The following PLXNA2 variants were observed in gnomAD, a reference collection of about 807,000 sequenced individuals.
PLXNA2 encodes plexin-A2.
Under a neutral mutation model 193.5 loss-of-function variants are expected in PLXNA2, and 91 were observed. The ratio of observed to expected loss-of-function variants is 0.47; its 90% confidence interval spans 0.40 to 0.56. The LOEUF (loss-of-function observed/expected upper bound fraction) is 0.56, where lower values mean the gene tolerates loss of function less well. Among genes scored for constraint, PLXNA2 ranks in the 20% least tolerant of loss-of-function variants. The probability of loss-of-function intolerance (pLI) is 0.00; values close to 1 mark genes in which losing one functional copy is unlikely to be tolerated. For missense variants in PLXNA2, 1,995 were observed against 2,503.2 expected (o/e 0.80, Z 4.33); for synonymous variants, 997 against 1,027.3 (o/e 0.97, Z 0.56).
intron 21 of PLXNA2, 106 bp downstream of exon 21, chr1:208,042,955 C>CT (rs1478080332): frequency 5.0e-5 from 59 of 1,181,222 alleles, no homozygotes; most frequent in Non-Finnish European, 6.8e-5. Context: ...ACTGACCCCT[C>CT]TTCCCTGCTA....
chr1:208,177,813 C>T (rs1035457900), intron 3 of PLXNA2, among the ~76,000 whole-genome samples: 2 of 152,250 alleles, frequency 1.3e-5, no homozygotes, highest in Admixed American at 6.5e-5. Flanking sequence ...CAGCCCAGTG[C>T]TAATGAATCA....
Position 208,199,416 on chromosome 1 carries a change from G to A in PLXNA2, c.1371+10864C>T, listed in dbSNP as rs369059959. Among the ~76,000 whole-genome samples the A allele has an allele frequency of 7.2e-5, 11 of 152,346 alleles. No homozygotes were observed. The East Asian group carries it at 2.1e-3, about 29-fold the overall frequency. On this transcript the variant is annotated intron_variant, in intron 3 of 31. Transcript: ENST00000367033. ...TGCAGAAAGAATGTTCTTTAGGCCG[G>A]GCGCAGTGGCTCACGCCTGTAATCC...
chr1:208,052,543 G>A, intron 14 of PLXNA2, 80 bp from the exon 15 acceptor site: 1 of 1,427,302 alleles, frequency 7.0e-7, no homozygotes, highest in South Asian at 1.2e-5. Flanking sequence ...AAGGATGGGA[G>A]AGATTGTTTT....
intron 29 of PLXNA2, chr1:208,030,256 G>A (rs1269752238): frequency 1.0e-6 from 1 of 985,352 alleles, no homozygotes; most frequent in African/African-American, 1.7e-5. Flanking sequence ...CTGGACATTT[G>A]CTATTGAGGT....
At chr1:208,191,391 T>C (rs148803164) in intron 3 of PLXNA2, among the ~76,000 whole-genome samples, 2 of 152,228 alleles carry the variant, frequency 1.3e-5, no homozygotes, top group African/African-American at 2.4e-5. Context: ...GCTGTTACTA[T>C]AGATAGAGAG....
intron 3 of PLXNA2, among the ~76,000 whole-genome samples, chr1:208,152,373 A>G: frequency 6.6e-6 from 1 of 152,182 alleles, no homozygotes; most frequent in Non-Finnish European, 1.5e-5. Flanking sequence ...TCCCATTGCT[A>G]GTGCGCTGGG....
intron 12 of PLXNA2, among the ~76,000 whole-genome samples, chr1:208,070,831 G>A (rs949938469): frequency 6.6e-6 from 1 of 152,248 alleles, no homozygotes; most frequent in African/African-American, 2.4e-5. Flanking sequence ...TGTAAGCTAA[G>A]CATTCAGTGA....
intron 3 of PLXNA2, among the ~76,000 whole-genome samples, chr1:208,186,705 G>GTTTTTTTTTT (rs1267154450): frequency 1.1e-5 from 1 of 88,500 alleles, no homozygotes; most frequent in African/African-American, 4.7e-5. Flanking sequence ...GAATTGCAAT[G>GTTTTTTTTTT]TTATTTTATT....
intron 4 of PLXNA2, among the ~76,000 whole-genome samples, chr1:208,135,275 C>T (rs757843308): frequency 1.3e-5 from 2 of 152,186 alleles, no homozygotes; most frequent in Non-Finnish European, 2.9e-5. Context: ...TGCCCCAACT[C>T]TTTTAAATTA....
intron 12 of PLXNA2, among the ~76,000 whole-genome samples, chr1:208,066,488 C>G (rs1351685231): frequency 6.6e-6 from 1 of 152,172 alleles, no homozygotes; most frequent in East Asian, 1.9e-4. Flanking sequence ...CATAATGGAG[C>G]TGAAAAATTC....
rs151002920 is a variant in PLXNA2 at position 208,199,469 on chromosome 1, G to A, written c.1371+10811C>T. ...GCACTTTGGGGGGCCAAGGTGGGTG[G>A]ATCACAAGGTCAGGAGATCGAGACC... On this transcript the variant is annotated intron_variant, in intron 3 of 31. Coordinates refer to ENST00000367033, the MANE Select transcript of PLXNA2 (RefSeq NM_025179.4). Among the ~76,000 whole-genome samples the A allele has an allele frequency of 7.7e-3, 1,177 of 152,286 alleles. 4 individuals carry two copies. Among genetic ancestry groups the A allele is most frequent in the Non-Finnish European group, 0.012 (833 of 68,026 alleles).
At chr1:208,042,395 C>T (rs542733930) in intron 21 of PLXNA2, 29 bp from the exon 22 acceptor site, 2 of 1,603,188 alleles carry the variant, frequency 1.2e-6, no homozygotes, top group African/African-American at 1.3e-5. Flanking sequence ...GAGGCGACGC[C>T]CTCAGAGGAC....
intron 3 of PLXNA2, among the ~76,000 whole-genome samples, chr1:208,205,037 C>T (rs188770735): frequency 2.0e-5 from 3 of 152,094 alleles, no homozygotes; most frequent in East Asian, 1.9e-4. Flanking sequence ...TGGGTTGAGG[C>T]GGCAGTTTAG....
At chr1:208,103,479 G>T (rs1037181499) in intron 4 of PLXNA2, among the ~76,000 whole-genome samples, 1 of 152,294 alleles carries the variant, frequency 6.6e-6, no homozygotes, top group Non-Finnish European at 1.5e-5. Flanking sequence ...CTTCGCGAGA[G>T]GTAGCAGCAA....
At chr1:208,042,037 G>A in intron 22 of PLXNA2, 61 bp downstream of exon 22, 1 of 1,552,670 alleles carries the variant, frequency 6.4e-7, no homozygotes, top group Non-Finnish European at 8.8e-7. Context: ...CTGCTATAAT[G>A]AGGTGCTCTG....
intron 3 of PLXNA2, among the ~76,000 whole-genome samples, chr1:208,185,719 G>GAAAAAAAAAAAAAAAAAAGAAAA (rs3991419): frequency 9.5e-6 from 1 of 105,536 alleles, no homozygotes; most frequent in African/African-American, 3.7e-5. Context: ...AAAAAAAAAA[G>GAAAAAAAAAAAAAAAAAAGAAAA]GAAAAAAAAA....
chr1:208,059,579 T>C (rs1236922618), intron 13 of PLXNA2, among the ~76,000 whole-genome samples: 1 of 152,222 alleles, frequency 6.6e-6, no homozygotes, highest in Non-Finnish European at 1.5e-5. Context: ...GCCCCATCAC[T>C]GTTATGGAAG....
intron 3 of PLXNA2, among the ~76,000 whole-genome samples, chr1:208,183,179 C>G (rs1482901588): frequency 6.6e-6 from 1 of 152,136 alleles, no homozygotes; most frequent in African/African-American, 2.4e-5. Flanking sequence ...TTGCAGTGAG[C>G]CATGGAGGGT....
In PLXNA2 at chr1:208,244,268, G is replaced by A. The variant is rs1338036587; in HGVS notation, c.-706C>T. Reference sequence around the variant, plus strand: ...CCGCCCTCCCGCTCCAGTCTGGCGCGGATGCCGCTCCTCCCGGCAGCTCTG... The same window carrying A: ...CCGCCCTCCCGCTCCAGTCTGGCGCAGATGCCGCTCCTCCCGGCAGCTCTG... On this transcript the variant is annotated 5_prime_UTR_variant, in exon 1 of 32. Transcript: ENST00000367033. The A allele has an allele frequency of 1.5e-5, 3 of 194,646 alleles. No homozygotes were observed. Among genetic ancestry groups the A allele is most frequent in the African/African-American group, 2.4e-5 (1 of 41,600 alleles). The allele number at this position is 194,646 out of a possible 1,614,324, so 12.1% of individuals were successfully genotyped here.
Sources: gnomAD v4.1 joint callset for allele counts (sites outside exome capture counted in the v4.1 genomes callset) on GRCh38, gnomAD v4.1.1 for gene constraint, MANE v1.5 for transcripts, NCBI Gene and HGNC (gene_info 2026-07-23, HGNC 2026-07-21) for gene names.